The following NLK variants were observed in gnomAD, a reference collection of about 807,000 sequenced individuals.
NLK encodes serine/threonine-protein kinase NLK.
NLK carries 11 observed loss-of-function variants against 59.0 expected under a neutral mutation model. The ratio of observed to expected loss-of-function variants is 0.19; its 90% confidence interval spans 0.12 to 0.31. NLK has a LOEUF of 0.31. NLK is among the 10% of genes least tolerant of loss of function. The probability of loss-of-function intolerance (pLI) is 1.00; values close to 1 mark genes in which losing one functional copy is unlikely to be tolerated. For missense variants in NLK, 410 were observed against 661.1 expected (o/e 0.62, Z 4.16); for synonymous variants, 235 against 235.9 (o/e 1.00, Z 0.03).
At chr17:28,173,242 A>C (rs1908541844) in intron 7 of NLK, among the ~76,000 whole-genome samples, 1 of 152,192 alleles carries the variant, frequency 6.6e-6, no homozygotes, top group Non-Finnish European at 1.5e-5. Context: ...TGATGTGAAG[A>C]GTGAATAAGG....
At chr17:28,161,447 C>T (rs1908001253) in intron 4 of NLK, among the ~76,000 whole-genome samples, 181 bp downstream of exon 4, 1 of 152,050 alleles carries the variant, frequency 6.6e-6, no homozygotes, top group Non-Finnish European at 1.5e-5. Context: ...TTTAGGGTTG[C>T]CAAATAGTTC....
chr17:28,102,292 G>A (rs1320620395), intron 1 of NLK, among the ~76,000 whole-genome samples: 1 of 152,084 alleles, frequency 6.6e-6, no homozygotes, highest in Admixed American at 6.6e-5. Context: ...CTTTTTAAGT[G>A]ATCTGCTGAC....
At chr17:28,205,194 ATG>A in the NLK span, among the ~76,000 whole-genome samples, 73 of 152,348 alleles carry the variant, frequency 4.8e-4, no homozygotes, top group Admixed American at 9.8e-4. Flanking sequence ...ATGGCACATT[ATG>A]TGTGGTGAAG....
At chr17:28,196,954 C>T (rs1385782311), downstream of NLK, among the ~76,000 whole-genome samples, 1 of 152,112 alleles carries the variant, frequency 6.6e-6, no homozygotes, top group Non-Finnish European at 1.5e-5. Flanking sequence ...TTTTATTTAG[C>T]AAAATGAATG....
downstream of NLK, among the ~76,000 whole-genome samples, chr17:28,198,403 A>G (rs1231669836): frequency 6.6e-6 from 1 of 152,078 alleles, no homozygotes; most frequent in Non-Finnish European, 1.5e-5. Flanking sequence ...GGCTCACCAC[A>G]ATCTCCGCCT....
intron 1 of NLK, among the ~76,000 whole-genome samples, chr17:28,088,371 C>T (rs1250668797): frequency 6.6e-6 from 1 of 152,110 alleles, no homozygotes; most frequent in Non-Finnish European, 1.5e-5. Context: ...TCTAATTCTA[C>T]CAGGTCTTCT....
chr17:28,125,814 CT>C (rs1906268470), intron 2 of NLK, among the ~76,000 whole-genome samples: 1 of 152,086 alleles, frequency 6.6e-6, no homozygotes, highest in Non-Finnish European at 1.5e-5. Context: ...AAAACACTTT[CT>C]TTTTGAAGGG....
At chr17:28,200,520 A>G (rs1255819035), downstream of NLK, among the ~76,000 whole-genome samples, 7 of 152,156 alleles carry the variant, frequency 4.6e-5, no homozygotes, top group Admixed American at 1.3e-4. Flanking sequence ...GTCTCGTTCT[A>G]TCACCCAGGC....
rs566161167 is a variant in NLK, at chr17:28,157,604, G to A, written c.645-3556G>A. On this transcript the variant is annotated intron_variant, in intron 3 of 10. Transcript: ENST00000407008. ...GGCCTCCCAAAGTGCTGGGGTTACA[G>A]GCATGAGCCACCACACCTGGCCTAC... Among the ~76,000 whole-genome samples the A allele has an allele frequency of 7.9e-5, 12 of 152,242 alleles. No homozygotes were observed. The East Asian group carries it at 1.5e-3, about 20-fold the overall frequency.
chr17:28,155,270 T>A (rs1020506569), intron 3 of NLK, among the ~76,000 whole-genome samples: 1 of 152,058 alleles, frequency 6.6e-6, no homozygotes, highest in Admixed American at 6.6e-5. Context: ...CATTAAAAAG[T>A]CAGGAAACAA....
chr17:28,174,291 A>T (rs1313151524), intron 7 of NLK, among the ~76,000 whole-genome samples: 2 of 152,258 alleles, frequency 1.3e-5, no homozygotes, highest in African/African-American at 2.4e-5. Flanking sequence ...CTAGTTAAAT[A>T]GGTTGAGATG....
chr17:28,101,530 G>A, intron 1 of NLK, among the ~76,000 whole-genome samples: 1 of 151,964 alleles, frequency 6.6e-6, no homozygotes, highest in Non-Finnish European at 1.5e-5. Flanking sequence ...TTTTTTTTGT[G>A]TGTGCTTCTT....
chr17:28,160,540 A>G (rs561768463), intron 3 of NLK, among the ~76,000 whole-genome samples: 2 of 152,284 alleles, frequency 1.3e-5, no homozygotes, highest in South Asian at 4.1e-4. Flanking sequence ...GCAAAACCCT[A>G]AACATACAAC....
At chr17:28,099,283 C>T (rs945220221) in intron 1 of NLK, among the ~76,000 whole-genome samples, 1 of 151,926 alleles carries the variant, frequency 6.6e-6, no homozygotes, top group African/African-American at 2.4e-5. Flanking sequence ...ATTTTGTTTA[C>T]ATACAACAAA....
intron 1 of NLK, among the ~76,000 whole-genome samples, chr17:28,061,787 T>C (rs1253674595): frequency 6.8e-6 from 1 of 146,258 alleles, no homozygotes; most frequent in Non-Finnish European, 1.5e-5. Context: ...TATACATATA[T>C]AATATATACA....
At chr17:28,064,072 C>T (rs1462341553) in intron 1 of NLK, among the ~76,000 whole-genome samples, 2 of 150,638 alleles carry the variant, frequency 1.3e-5, no homozygotes, top group African/African-American at 2.4e-5. Context: ...ACATAGTAGG[C>T]TTATCAAATT....
chr17:28,143,741 A>C (rs1367279625), intron 3 of NLK, among the ~76,000 whole-genome samples: 1 of 152,246 alleles, frequency 6.6e-6, no homozygotes, highest in Non-Finnish European at 1.5e-5. Flanking sequence ...TCAGTTGAGC[A>C]GGGAAGCCAG....
Position 28,179,917 on chromosome 17 carries a change from A to G in NLK, c.1150-5262A>G, listed in dbSNP as rs150523311. On this transcript the variant is annotated intron_variant, in intron 7 of 10. Coordinates refer to ENST00000407008, the MANE Select transcript of NLK (RefSeq NM_016231.5). The stretch of plus-strand genomic sequence containing the variant: ...TTTTTTGCTTATTCAGATTGATTCT[A>G]TTGCACTTAAGAGAAATGTAAACTT... 4.8e-4 allele frequency among the ~76,000 whole-genome samples: 25 copies of G among 52,172 alleles called. 1 individual carries two copies. The East Asian group carries it at 0.012, about 24-fold the overall frequency. The allele number at this position is 52,172 out of a possible 152,430, so 34.2% of individuals were successfully genotyped here. A position where few individuals can be genotyped will look rare whatever the true frequency, so the allele number is the denominator to read the frequency against.
intron 1 of NLK, among the ~76,000 whole-genome samples, chr17:28,068,606 G>C (rs148158451): frequency 1.3e-5 from 2 of 152,112 alleles, no homozygotes. Context: ...TTTTTAAAAC[G>C]TATATTTATT....
Sources: allele counts gnomAD v4.1 joint callset (sites outside exome capture counted in the v4.1 genomes callset), GRCh38; gene constraint gnomAD v4.1.1; transcripts MANE v1.5; gene names NCBI Gene and HGNC (gene_info 2026-07-23, HGNC 2026-07-21).